CRLF3: variants seen among roughly 807,000 people sequenced by gnomAD.
The protein encoded by CRLF3 is cytokine receptor like factor 3, also known as cytokine receptor-like factor 3.
Under a neutral mutation model 55.0 loss-of-function variants are expected in CRLF3, and 33 were observed. The observed-to-expected ratio is 0.60, with a 90% CI of 0.46 to 0.80. The LOEUF is 0.80. Ranked by LOEUF, CRLF3 falls within the 30% of genes least tolerant of loss-of-function variation. CRLF3 has a pLI of 0.00. For missense variants in CRLF3, 494 were observed against 538.4 expected (o/e 0.92, Z 0.82); for synonymous variants, 238 against 196.8 (o/e 1.21, Z -1.75).
At chr17:30,816,072 A>C (rs1244209859) in intron 1 of CRLF3, among the ~76,000 whole-genome samples, 1 of 150,426 alleles carries the variant, frequency 6.6e-6, no homozygotes, top group Non-Finnish European at 1.5e-5. Context: ...TCACGAGGTC[A>C]GGAGTTCGAG....
rs117522189 is a variant in CRLF3 at position 30,796,817 on chromosome 17, C to T, written c.426-480G>A. On this transcript the variant is annotated intron_variant, in intron 3 of 7. Transcript: ENST00000324238. ...CAGCTCACTGCAACCTCCACCTCCC[C>T]GATTCAAGCGACTCTCTTGCCTCAG... is the stretch of plus-strand genomic sequence containing the variant. Among the ~76,000 whole-genome samples, 589 of 151,562 alleles carry T rather than the reference C, an allele frequency of 3.9e-3. 1 individual carries two copies. The highest frequency in any genetic ancestry group is 6.7e-3 in the African/African-American group (276 of 41,318).
At chr17:30,792,168 T>G (rs1046492440) in intron 6 of CRLF3, among the ~76,000 whole-genome samples, 4 of 152,056 alleles carry the variant, frequency 2.6e-5, no homozygotes, top group Non-Finnish European at 4.4e-5. Context: ...TTTTGAGAGA[T>G]ACTCTACTTA....
At chr17:30,792,791 C>G (rs1468727205) in intron 5 of CRLF3, 16 of 425,542 alleles carry the variant, frequency 3.8e-5, no homozygotes, top group South Asian at 3.5e-4. Flanking sequence ...ATAAATCACA[C>G]AAGTGTTATC....
chr17:30,784,145 G>A lies in CRLF3; in HGVS notation c.*42C>T, dbSNP rs1971576612. On this transcript the variant is annotated 3_prime_UTR_variant, in exon 8 of 8. Coordinates refer to ENST00000324238, the MANE Select transcript of CRLF3 (RefSeq NM_015986.4). ...TTACAACTACGCTGGGCTGAGGACA[G>A]CTACGTTAGACCCTGAAAACCAAAG... 2.5e-6 allele frequency: 4 copies of A among 1,577,966 alleles called. No individual in the cohort carries two copies. In the East Asian group the frequency reaches 9.0e-5, roughly 35 times the overall value.
intron 7 of CRLF3, among the ~76,000 whole-genome samples, chr17:30,785,536 T>C (rs560447800): frequency 6.6e-6 from 1 of 151,842 alleles, no homozygotes; most frequent in South Asian, 2.1e-4. Context: ...TCCCAGCACT[T>C]TGGGAGGCCA....
chr17:30,801,297 A>G (rs962277052), intron 2 of CRLF3: 2 of 149,382 alleles, frequency 1.3e-5, no homozygotes, highest in African/African-American at 5.0e-5. Flanking sequence ...TTACTTTCTA[A>G]TAACTTTTTT....
chr17:30,787,246 A>G (rs2142241533), intron 6 of CRLF3, among the ~76,000 whole-genome samples: 1 of 152,356 alleles, frequency 6.6e-6, no homozygotes, highest in East Asian at 1.9e-4. Context: ...TTATGTAACT[A>G]TTGCTGCCAG....
chr17:30,797,062 T>C (rs1271918138), intron 3 of CRLF3, among the ~76,000 whole-genome samples: 5 of 152,056 alleles, frequency 3.3e-5, no homozygotes, highest in African/African-American at 1.2e-4. Flanking sequence ...GTCTAATTTT[T>C]ATATTTTTAG....
At chr17:30,805,713 C>CAAAAA (rs58852260) in intron 1 of CRLF3, among the ~76,000 whole-genome samples, 2 of 70,982 alleles carry the variant, frequency 2.8e-5, no homozygotes. Context: ...GACTCCGTCT[C>CAAAAA]AAAAAAAAAA....
At chr17:30,809,150 G>C (rs1485752244) in intron 1 of CRLF3, among the ~76,000 whole-genome samples, 1 of 152,112 alleles carries the variant, frequency 6.6e-6, no homozygotes, top group Non-Finnish European at 1.5e-5. Flanking sequence ...CAGAGCCTAC[G>C]TTTTGTTTTT....
chr17:30,807,474 T>C (rs1421908619), intron 1 of CRLF3, among the ~76,000 whole-genome samples: 1 of 149,800 alleles, frequency 6.7e-6, no homozygotes, highest in African/African-American at 2.5e-5. Context: ...AAAAGAGCAG[T>C]ATCATTTACT....
chr17:30,792,316 C>G (rs528371361), intron 6 of CRLF3, 124 bp downstream of exon 6: 2 of 839,298 alleles, frequency 2.4e-6, no homozygotes, highest in Non-Finnish European at 3.6e-6. Context: ...AGAAGCCTTC[C>G]CACAGTAACA....
rs561005488 is a variant in CRLF3 at position 30,784,073 on chromosome 17, T to C, written c.*114A>G. On this transcript the variant is annotated 3_prime_UTR_variant, in exon 8 of 8. Coordinates refer to ENST00000324238, the MANE Select transcript of CRLF3 (RefSeq NM_015986.4). ...TACAAAATGAATCCAGTAAACACTT[T>C]CCAATGGCCTAAGTTAGAGATGAAT... 1.6e-4 allele frequency: 142 copies of C among 913,496 alleles called. 1 individual carries two copies. In the African/African-American group the frequency reaches 2.1e-3, roughly 14 times the overall value. The allele number at this position is 913,496 out of a possible 1,614,324, so 56.6% of individuals were successfully genotyped here.
intron 6 of CRLF3, among the ~76,000 whole-genome samples, chr17:30,788,710 C>T (rs1210325933): frequency 2.1e-5 from 3 of 145,132 alleles, no homozygotes; most frequent in African/African-American, 5.2e-5. Flanking sequence ...TGGGTTCAAG[C>T]GATTCTCCTG....
intron 1 of CRLF3, among the ~76,000 whole-genome samples, chr17:30,821,679 G>T (rs770329606): frequency 2.6e-5 from 4 of 152,162 alleles, no homozygotes; most frequent in Non-Finnish European, 5.9e-5. Context: ...TCAGTCACAA[G>T]GGGCTACATA....
At chr17:30,799,124 T>A (rs911553293) in intron 2 of CRLF3, among the ~76,000 whole-genome samples, 2 of 150,694 alleles carry the variant, frequency 1.3e-5, no homozygotes, top group African/African-American at 4.9e-5. Context: ...ATACAAAAAA[T>A]TTGCTGGGCG....
chr17:30,786,386 C>T (rs968885196), intron 6 of CRLF3: 1 of 163,162 alleles, frequency 6.1e-6, no homozygotes, highest in Non-Finnish European at 1.3e-5. Context: ...TTACAGGTGC[C>T]CGCCACCATA....
At chr17:30,787,116 T>A (rs1971665201) in intron 6 of CRLF3, among the ~76,000 whole-genome samples, 1 of 152,158 alleles carries the variant, frequency 6.6e-6, no homozygotes, top group South Asian at 2.1e-4. Flanking sequence ...GATTACGGAG[T>A]GAGCCACCGT....
chr17:30,807,690 G>A (rs1405473821), intron 1 of CRLF3, among the ~76,000 whole-genome samples: 3 of 151,682 alleles, frequency 2.0e-5, no homozygotes, highest in Non-Finnish European at 2.9e-5. Context: ...ATGCCACCAC[G>A]CCTGGCTAAT....
Sources: gnomAD v4.1 joint callset for allele counts (sites outside exome capture counted in the v4.1 genomes callset) on GRCh38, gnomAD v4.1.1 for gene constraint, MANE v1.5 for transcripts, NCBI Gene and HGNC (gene_info 2026-07-23, HGNC 2026-07-21) for gene names.